Variants in ENY2 observed in about 807,000 individuals in gnomAD.
ENY2 encodes the protein ENY2 transcription and export complex 2 subunit.
A neutral mutation model predicts 15.9 loss-of-function variants in ENY2; 4 were observed. That is an observed-to-expected ratio of 0.25 (90% CI 0.12 to 0.57). The LOEUF (loss-of-function observed/expected upper bound fraction) is 0.57. Ranked by LOEUF, ENY2 falls within the 20% of genes least tolerant of loss-of-function variation. ENY2 has a pLI of 0.91. For missense variants in ENY2, 54 were observed against 117.2 expected (o/e 0.46, Z 2.49); for synonymous variants, 48 against 38.0 (o/e 1.26, Z -0.97).
At chr8:109,341,607 CGATACTTAAAACCTTG>C (rs1563692844) in intron 4 of ENY2, among the ~76,000 whole-genome samples, 3 of 152,092 alleles carry the variant, frequency 2.0e-5, no homozygotes, top group Non-Finnish European at 1.5e-5. Context: ...GCTTCTCCTT[CGATACTTAAAACCTTG>C]GACATTTCAA....
chr8:109,334,720 C>T, intron 1 of ENY2: 1 of 541,052 alleles, frequency 1.8e-6, no homozygotes, highest in Non-Finnish European at 3.2e-6. Flanking sequence ...GGAGGGATAC[C>T]CTAGCGCCCT....
intron 2 of ENY2, 144 bp from the exon 3 acceptor site, chr8:109,339,176 G>A (rs1051823708): frequency 2.3e-5 from 15 of 640,348 alleles, no homozygotes; most frequent in African/African-American, 2.2e-4. Context: ...GAACTATTTA[G>A]CATTTGAACC....
At chr8:109,338,479 T>C (rs139193673) in intron 2 of ENY2, 43 of 152,172 alleles carry the variant, frequency 2.8e-4, no homozygotes, top group African/African-American at 1.0e-3. Flanking sequence ...CTATTAAGAT[T>C]GAAAGACCTA....
chr8:109,335,509 C>T (rs1815952834), intron 1 of ENY2: 1 of 151,864 alleles, frequency 6.6e-6, no homozygotes, highest in South Asian at 2.1e-4. Context: ...ATTACAGACA[C>T]CTGCCACCAA....
intron 3 of ENY2, among the ~76,000 whole-genome samples, chr8:109,340,036 A>G (rs1586328517): frequency 6.6e-6 from 1 of 152,342 alleles, no homozygotes; most frequent in East Asian, 1.9e-4. Context: ...TCACTGAAAG[A>G]ATAGAGCTGG....
In ENY2 at chr8:109,341,199, A is replaced by G. The variant is rs539123912; in HGVS notation, c.229+636A>G. On this transcript the variant is annotated intron_variant, in intron 4 of 4. Transcript: ENST00000521688. ...TCTTAGATATAACTACATTATTTTC[A>G]TTTACTTTGGTAAAGTTGGGGTTGT... 3.9e-5 allele frequency among the ~76,000 whole-genome samples: 6 copies of G among 152,278 alleles called. No homozygotes were observed. The South Asian group carries it at 1.2e-3, about 32-fold the overall frequency.
chr8:109,342,738 A>G (rs930195571), intron 4 of ENY2: 1 of 697,802 alleles, frequency 1.4e-6, no homozygotes, highest in Admixed American at 2.0e-5. Flanking sequence ...TCCCGGACTC[A>G]GGCAATCCTC....
Position 109,344,195 on chromosome 8 carries a change from TCTG to T in ENY2, c.*718_*720del, listed in dbSNP as rs1300623525. The T allele has an allele frequency of 6.6e-6, 1 of 152,224 alleles. No individual in the cohort carries two copies. Among genetic ancestry groups the T allele is most frequent in the Non-Finnish European group, 1.5e-5 (1 of 68,064 alleles). The allele number at this position is 152,224 out of a possible 1,614,324, so 9.4% of individuals were successfully genotyped here. ...GACTCTTGTCTATTCTTACGTGACT[TCTG>T]CTGGAAAATGCGAATGTTGACCATC... On this transcript the variant is annotated 3_prime_UTR_variant, in exon 5 of 5. Transcript: ENST00000521688.
chr8:109,344,620 T>G lies in ENY2; in HGVS notation c.*1139T>G, dbSNP rs1435830831. 6.6e-6 allele frequency: 1 copy of G among 152,186 alleles called. No individual in the cohort carries two copies. Among genetic ancestry groups the G allele is most frequent in the Non-Finnish European group, 1.5e-5 (1 of 68,040 alleles). The allele number at this position is 152,186 out of a possible 1,614,324, so 9.4% of individuals were successfully genotyped here. A position where few individuals can be genotyped will look rare whatever the true frequency, so the allele number is the denominator to read the frequency against. ...TTATTTCTGAATGGTACCTCCTAGCTATATAGATTATCTGAGGAGCTTACT... is the reference window on the plus strand; with the variant it reads ...TTATTTCTGAATGGTACCTCCTAGCGATATAGATTATCTGAGGAGCTTACT... On this transcript the variant is annotated 3_prime_UTR_variant, in exon 5 of 5. Coordinates refer to ENST00000521688, the MANE Select transcript of ENY2 (RefSeq NM_020189.6).
At chr8:109,339,034 G>A (rs1160448387) in intron 2 of ENY2, 3 of 443,652 alleles carry the variant, frequency 6.8e-6, no homozygotes, top group Non-Finnish European at 1.2e-5. Context: ...ACGGTGGAGA[G>A]TATATAACGT....
chr8:109,342,868 G>C, intron 4 of ENY2: 1 of 522,938 alleles, frequency 1.9e-6, no homozygotes, highest in Admixed American at 3.7e-5. Context: ...ATGTAAATGT[G>C]GTTTTAATTT....
Position 109,334,463 on chromosome 8 carries a change from G to A in ENY2, c.-6G>A, listed in dbSNP as rs756671491. ...CGCTGGGAAGGGACGGCCCTCGCCCGCGGTGATGGTGGTGAGCTATGCCCG... is the reference window on the plus strand; with the variant it reads ...CGCTGGGAAGGGACGGCCCTCGCCCACGGTGATGGTGGTGAGCTATGCCCG... On this transcript the variant is annotated 5_prime_UTR_variant, in exon 1 of 5. Coordinates refer to ENST00000521688, the MANE Select transcript of ENY2 (RefSeq NM_020189.6). 5 of 1,613,826 alleles carry A rather than the reference G, an allele frequency of 3.1e-6. No homozygotes were observed. Among genetic ancestry groups the A allele is most frequent in the Non-Finnish European group, 4.2e-6 (5 of 1,179,924 alleles).
Position 109,334,546 on chromosome 8 carries a change from C to T in ENY2, c.6+72C>T, listed in dbSNP as rs1225720713. The T allele has an allele frequency of 1.4e-5, 22 of 1,534,602 alleles. No individual in the cohort carries two copies. In the East Asian group the frequency reaches 4.3e-4, roughly 30 times the overall value. On this transcript the variant is annotated intron_variant, in intron 1 of 4. Coordinates refer to ENST00000521688, the MANE Select transcript of ENY2 (RefSeq NM_020189.6). ...AGGCTCCTTTCGATGTACTGTCTTT[C>T]GTTAGCGTCCCCGACCCGCGCTCGC... is the stretch of plus-strand genomic sequence containing the variant.
intron 3 of ENY2, chr8:109,340,282 A>T: frequency 1.7e-6 from 1 of 586,200 alleles, no homozygotes; most frequent in Non-Finnish European, 2.9e-6. Flanking sequence ...GTTGCTGGTT[A>T]TTTAGCTGAG....
chr8:109,342,735 C>A, intron 4 of ENY2: 1 of 697,988 alleles, frequency 1.4e-6, no homozygotes, highest in East Asian at 2.7e-5. Flanking sequence ...AGCTCCCGGA[C>A]TCAGGCAATC....
chr8:109,339,335 G>T lies in ENY2; in HGVS notation c.99G>T (p.Leu33=), dbSNP rs1284294452. ...GTTTCAACAGCCTCAAAGAGTTGCT[G>T]AGAGCTAAATTAATTGAATGTGGCT... The part of the protein sequence containing the change: ...TGERERLKEL[L]RAKLIECGWK... Residue 33 remains leucine (L), a synonymous_variant, in exon 3 of 5, where the codon CTG becomes CTT. Coordinates refer to ENST00000521688, the MANE Select transcript of ENY2 (RefSeq NM_020189.6). The T allele has an allele frequency of 6.2e-7, 1 of 1,613,730 alleles. No homozygotes were observed. Among genetic ancestry groups the T allele is most frequent in the Non-Finnish European group, 8.5e-7 (1 of 1,179,830 alleles).
intron 2 of ENY2, among the ~76,000 whole-genome samples, chr8:109,337,540 A>G (rs1816012781): frequency 6.6e-6 from 1 of 152,176 alleles, no homozygotes; most frequent in South Asian, 2.1e-4. Context: ...TCAGATGGTG[A>G]TGAGCACTAG....
intron 4 of ENY2, among the ~76,000 whole-genome samples, chr8:109,341,320 A>G (rs55752435): frequency 0.013 from 1,951 of 152,308 alleles, 44 homozygotes; most frequent in African/African-American, 0.044. Flanking sequence ...GAAAATTATT[A>G]CTACAGAACA....
At chr8:109,341,348 C>T (rs1816108378) in intron 4 of ENY2, among the ~76,000 whole-genome samples, 1 of 152,042 alleles carries the variant, frequency 6.6e-6, no homozygotes, top group Non-Finnish European at 1.5e-5. Context: ...TTGAACTCCT[C>T]CCTGCTGGGA....
Sources: allele counts gnomAD v4.1 joint callset (sites outside exome capture counted in the v4.1 genomes callset), GRCh38; gene constraint gnomAD v4.1.1; transcripts MANE v1.5; gene names NCBI Gene and HGNC (gene_info 2026-07-23, HGNC 2026-07-21).